The following SPOP variants were observed in gnomAD, a reference collection of about 807,000 sequenced individuals.
SPOP encodes the protein speckle type BTB/POZ protein, also known as speckle-type POZ protein.
A neutral mutation model predicts 45.6 loss-of-function variants in SPOP; 11 were observed. The ratio of observed to expected loss-of-function variants is 0.24; its 90% CI spans 0.15 to 0.40. The LOEUF (loss-of-function observed/expected upper bound fraction) is 0.40, where lower values mean the gene tolerates loss of function less well. Ranked by LOEUF, SPOP falls within the 10% of genes least tolerant of loss-of-function variation. SPOP has a pLI of 1.00. For synonymous variants in SPOP, 166 were observed against 166.3 expected (o/e 1.00, Z 0.01); for missense variants, 152 against 465.6 (o/e 0.33, Z 6.20).
In SPOP at chr17:49,619,409, A is replaced by G; in HGVS notation, c.201-24T>C. 2 of 1,583,996 alleles carry G rather than the reference A, an allele frequency of 1.3e-6. No homozygotes were observed. The highest frequency in any genetic ancestry group is 1.4e-5 in the African/African-American group (1 of 73,110). ...ACCTGTCCAAAACAGATAGAAAAAAAAAATGTCAAAAGCATCCATTTTGAT... is the reference window on the plus strand; with the variant it reads ...ACCTGTCCAAAACAGATAGAAAAAAGAAATGTCAAAAGCATCCATTTTGAT... On this transcript the variant is annotated intron_variant, in intron 3 of 9. Transcript: ENST00000504102. The surrounding 1 kb of genome is among the most constrained non-coding windows in gnomAD (Gnocchi z 4.9).
intron 8 of SPOP, among the ~76,000 whole-genome samples, chr17:49,602,915 G>T (rs957239633): frequency 2.0e-5 from 3 of 152,304 alleles, no homozygotes; most frequent in Non-Finnish European, 4.4e-5. Context: ...ATGAGATTAT[G>T]AACTTACTAG....
intron 1 of SPOP, among the ~76,000 whole-genome samples, chr17:49,669,535 G>A (rs1329273277): frequency 6.7e-6 from 1 of 148,564 alleles, no homozygotes. Flanking sequence ...GGGAGGCTGA[G>A]GTGGGCGGAT....
chr17:49,641,822 G>A (rs2072657767), intron 1 of SPOP, among the ~76,000 whole-genome samples: 1 of 152,044 alleles, frequency 6.6e-6, no homozygotes, highest in South Asian at 2.1e-4. Flanking sequence ...AGGAGTTTGA[G>A]ACCAGCCTGG....
At chr17:49,604,640 A>G (rs956930238) in intron 8 of SPOP, among the ~76,000 whole-genome samples, 5 of 152,110 alleles carry the variant, frequency 3.3e-5, no homozygotes, top group African/African-American at 4.8e-5. Context: ...CACAGGGTCT[A>G]CTGCTGGCAG....
chr17:49,625,639 C>T (rs2072313914), intron 1 of SPOP, among the ~76,000 whole-genome samples: 1 of 151,970 alleles, frequency 6.6e-6, no homozygotes, highest in Non-Finnish European at 1.5e-5. Flanking sequence ...AGAACTAGAT[C>T]TACAGCACCA....
chr17:49,610,776 C>T (rs1040038695), intron 6 of SPOP, among the ~76,000 whole-genome samples: 2 of 152,158 alleles, frequency 1.3e-5, no homozygotes, highest in Admixed American at 6.5e-5. Context: ...GTGTCAATCT[C>T]CCTGGTCTTG....
intron 1 of SPOP, among the ~76,000 whole-genome samples, chr17:49,667,752 A>C (rs2073081858): frequency 6.6e-6 from 1 of 152,186 alleles, no homozygotes; most frequent in Non-Finnish European, 1.5e-5. Flanking sequence ...CTGGGCATAT[A>C]CCCAAAAGAA....
intron 8 of SPOP, among the ~76,000 whole-genome samples, chr17:49,604,870 G>C (rs1035856102): frequency 1.3e-5 from 2 of 152,216 alleles, no homozygotes; most frequent in Non-Finnish European, 2.9e-5. Context: ...TAATCTTGCA[G>C]GTGATCCTTG....
intron 1 of SPOP, among the ~76,000 whole-genome samples, chr17:49,647,357 A>G (rs1445651109): frequency 2.7e-5 from 4 of 149,446 alleles, no homozygotes; most frequent in Non-Finnish European, 5.9e-5. Flanking sequence ...CTTTTGTTCT[A>G]ATGAATTTGG....
At chr17:49,607,734 G>A (rs2071881618) in intron 7 of SPOP, 140 bp downstream of exon 7, 3 of 767,498 alleles carry the variant, frequency 3.9e-6, no homozygotes, top group Admixed American at 4.7e-5. Flanking sequence ...ACTTCTCTCT[G>A]CTCTCAGAAG....
intron 1 of SPOP, among the ~76,000 whole-genome samples, chr17:49,624,894 T>C (rs1439493071): frequency 2.7e-5 from 4 of 150,158 alleles, no homozygotes; most frequent in East Asian, 3.9e-4. Context: ...TAATAAAAAA[T>C]TGATATATAA....
At chr17:49,605,946 C>T (rs2071834466) in intron 8 of SPOP, among the ~76,000 whole-genome samples, 1 of 151,550 alleles carries the variant, frequency 6.6e-6, no homozygotes, top group African/African-American at 2.4e-5. Context: ...CGAGATCGTG[C>T]CATTGCACTC....
At chr17:49,643,107 T>C (rs1212920387) in intron 1 of SPOP, among the ~76,000 whole-genome samples, 3 of 152,230 alleles carry the variant, frequency 2.0e-5, no homozygotes, top group Non-Finnish European at 4.4e-5. Flanking sequence ...ATTCAGCACA[T>C]AAATTCTCAA....
rs540731632 is a variant in SPOP at position 49,629,239 on chromosome 17, C to CA, written c.-66-6364dup. Among the ~76,000 whole-genome samples, 216 of 144,662 alleles carry CA rather than the reference C, an allele frequency of 1.5e-3. 1 individual carries two copies. Among genetic ancestry groups the CA allele is most frequent in the African/African-American group, 4.0e-3 (159 of 39,550 alleles). The allele number at this position is 144,662 out of a possible 152,430, so 94.9% of individuals were successfully genotyped here. ...CCTGCAACACAGCAAGACTCTATCT[C>CA]AAAAAAAAAAATAAAAAATACTCTG... On this transcript the variant is annotated intron_variant, in intron 1 of 9. Transcript: ENST00000504102.
At chr17:49,612,079 C>T (rs1432831894) in intron 5 of SPOP, among the ~76,000 whole-genome samples, 3 of 152,204 alleles carry the variant, frequency 2.0e-5, no homozygotes, top group Admixed American at 1.3e-4. Flanking sequence ...GACAAGGTCT[C>T]ACTATGTTGC....
intron 1 of SPOP, among the ~76,000 whole-genome samples, chr17:49,659,739 A>G (rs965856115): frequency 6.6e-6 from 1 of 152,200 alleles, no homozygotes; most frequent in African/African-American, 2.4e-5. Flanking sequence ...ATATCTGCCT[A>G]CTTAACATAT....
intron 1 of SPOP, among the ~76,000 whole-genome samples, chr17:49,673,342 A>G (rs1323364770): frequency 6.6e-6 from 1 of 151,784 alleles, no homozygotes; most frequent in Non-Finnish European, 1.5e-5. Context: ...CATCTCTACT[A>G]AAAAATACAA....
chr17:49,655,840 C>T (rs1433858789), intron 1 of SPOP, among the ~76,000 whole-genome samples: 2 of 152,132 alleles, frequency 1.3e-5, no homozygotes, highest in Non-Finnish European at 1.5e-5. Context: ...GACAGAGTTT[C>T]GCTCTTGTTG....
At chr17:49,655,574 T>C (rs1188890639) in intron 1 of SPOP, among the ~76,000 whole-genome samples, 1 of 152,170 alleles carries the variant, frequency 6.6e-6, no homozygotes, top group African/African-American at 2.4e-5. Flanking sequence ...TAATTTTTCC[T>C]ATAGATTTAC....
Sources: allele counts gnomAD v4.1 joint callset (sites outside exome capture counted in the v4.1 genomes callset), GRCh38; gene constraint gnomAD v4.1.1; non-coding constraint Gnocchi (gnomAD v3.1); transcripts MANE v1.5; gene names NCBI Gene and HGNC (gene_info 2026-07-23, HGNC 2026-07-21).